The following TRPS1 variants were observed in gnomAD, a reference collection of about 807,000 sequenced individuals.
The protein encoded by TRPS1 is transcriptional repressor GATA binding 1.
A neutral mutation model predicts 101.2 loss-of-function variants in TRPS1; 6 were observed. That is an observed-to-expected ratio of 0.06 (90% CI 0.03 to 0.12). TRPS1 has a LOEUF of 0.12. Ranked by LOEUF, TRPS1 falls within the 10% of genes least tolerant of loss-of-function variation. The pLI, the probability that TRPS1 is intolerant of heterozygous loss-of-function variation, is 1.00. For synonymous variants in TRPS1, 578 were observed against 589.8 expected (o/e 0.98, Z 0.29); for missense variants, 1,363 against 1,567.0 (o/e 0.87, Z 2.20).
intron 1 of TRPS1, among the ~76,000 whole-genome samples, chr8:115,627,338 A>G (rs943976191): frequency 6.6e-6 from 1 of 151,770 alleles, no homozygotes; most frequent in African/African-American, 2.4e-5. Flanking sequence ...ACACACACAC[A>G]CACAATTAAA....
chr8:115,471,772 A>C (rs1285182767), intron 5 of TRPS1, among the ~76,000 whole-genome samples: 1 of 152,218 alleles, frequency 6.6e-6, no homozygotes, highest in Non-Finnish European at 1.5e-5. Context: ...AAATGGAAGA[A>C]ATTGGCCAAA....
chr8:115,521,555 T>A (rs955014595), intron 5 of TRPS1, among the ~76,000 whole-genome samples: 1 of 151,886 alleles, frequency 6.6e-6, no homozygotes, highest in African/African-American at 2.4e-5. Flanking sequence ...TTTTCCTATA[T>A]CCACGATGTG....
chr8:115,493,388 C>G (rs1234981236), intron 5 of TRPS1, among the ~76,000 whole-genome samples: 1 of 152,116 alleles, frequency 6.6e-6, no homozygotes, highest in African/African-American at 2.4e-5. Flanking sequence ...CAGTTTGGCT[C>G]CTGTTGCCCA....
chr8:115,535,339 A>G (rs1816281550), intron 5 of TRPS1, among the ~76,000 whole-genome samples: 1 of 147,714 alleles, frequency 6.8e-6, no homozygotes, highest in Admixed American at 6.8e-5. Context: ...TATATAGCGC[A>G]TATATATAGC....
In TRPS1 at chr8:115,410,354, TGTTA is replaced by T. The variant is rs1013347105; in HGVS notation, c.*3665_*3668del. The T allele has an allele frequency of 6.6e-6, 1 of 152,518 alleles. No individual in the cohort carries two copies. Among genetic ancestry groups the T allele is most frequent in the Admixed American group, 6.6e-5 (1 of 15,234 alleles). The allele number at this position is 152,518 out of a possible 1,614,324, so 9.4% of individuals were successfully genotyped here. ...GCTACCACAGGCTTCAACAAAGAGC[TGTTA>T]AAGATACTTTTTTCCCTTCTCATTA... On this transcript the variant is annotated 3_prime_UTR_variant, in exon 7 of 7. Transcript: ENST00000395715.
At chr8:115,474,690 G>GA (rs11286734) in intron 5 of TRPS1, among the ~76,000 whole-genome samples, 5 of 151,802 alleles carry the variant, frequency 3.3e-5, no homozygotes, top group Non-Finnish European at 5.9e-5. Flanking sequence ...AAAATATTCA[G>GA]AAAAAAATTA....
intron 1 of TRPS1, among the ~76,000 whole-genome samples, chr8:115,627,169 G>A (rs1010470682): frequency 2.6e-5 from 4 of 151,654 alleles, no homozygotes; most frequent in African/African-American, 4.8e-5. Flanking sequence ...GCCTCAAAAG[G>A]CAAGGGGAAT....
At chr8:115,657,849 A>G (rs1811709356) in intron 1 of TRPS1, among the ~76,000 whole-genome samples, 1 of 152,102 alleles carries the variant, frequency 6.6e-6, no homozygotes, top group African/African-American at 2.4e-5. Context: ...AATAAAATAA[A>G]ATAAAATAAA....
chr8:115,500,743 T>C (rs535364623), intron 5 of TRPS1, among the ~76,000 whole-genome samples: 1 of 152,112 alleles, frequency 6.6e-6, no homozygotes, highest in African/African-American at 2.4e-5. Flanking sequence ...CTAATTTTTT[T>C]GTGTGTGTTT....
chr8:115,423,660 G>A (rs879827126), intron 5 of TRPS1, among the ~76,000 whole-genome samples: 9 of 152,148 alleles, frequency 5.9e-5, no homozygotes, highest in South Asian at 2.1e-4. Flanking sequence ...TTAGGTTCAC[G>A]GCTAACACCA....
intron 5 of TRPS1, among the ~76,000 whole-genome samples, chr8:115,426,977 A>T (rs1813202665): frequency 6.6e-6 from 1 of 152,172 alleles, no homozygotes; most frequent in African/African-American, 2.4e-5. Context: ...ATCATATTCT[A>T]AAAAGCATTT....
At chr8:115,635,383 G>C (rs909544304) in intron 1 of TRPS1, among the ~76,000 whole-genome samples, 1 of 152,068 alleles carries the variant, frequency 6.6e-6, no homozygotes, top group African/African-American at 2.4e-5. Context: ...ATTGCAAACT[G>C]ACCAAGTGAT....
At chr8:115,661,942 T>C (rs1047520550) in intron 1 of TRPS1, among the ~76,000 whole-genome samples, 2 of 151,950 alleles carry the variant, frequency 1.3e-5, no homozygotes, top group African/African-American at 4.8e-5. Flanking sequence ...AAATAAAAAT[T>C]TATTAACAGA....
At chr8:115,451,676 C>T (rs79773520) in intron 5 of TRPS1, among the ~76,000 whole-genome samples, 2,565 of 152,200 alleles carry the variant, frequency 0.017, 74 homozygotes, top group African/African-American at 0.059. Context: ...GCTTCAATGA[C>T]GTTCTGTTCA....
chr8:115,498,370 CCCGTCTCTCTCTCTCT>C (rs1159492164), intron 5 of TRPS1, among the ~76,000 whole-genome samples: 5 of 48,896 alleles, frequency 1.0e-4, no homozygotes, highest in African/African-American at 1.7e-4. Flanking sequence ...AAAGAGAGAG[CCCGTCTCTCTCTCTCT>C]CTCTCTCTCT....
intron 1 of TRPS1, among the ~76,000 whole-genome samples, chr8:115,662,728 G>T (rs1300099537): frequency 6.8e-6 from 1 of 148,024 alleles, no homozygotes; most frequent in Non-Finnish European, 1.5e-5. Context: ...AATACTGTTT[G>T]ATAAATAGGG....
At chr8:115,477,115 C>T (rs760068833) in intron 5 of TRPS1, among the ~76,000 whole-genome samples, 8 of 152,030 alleles carry the variant, frequency 5.3e-5, no homozygotes, top group Non-Finnish European at 8.8e-5. Context: ...AAATTTGAAA[C>T]ATTTGAATGA....
intron 5 of TRPS1, among the ~76,000 whole-genome samples, chr8:115,546,581 GACACACACACACAC>G (rs71287285): frequency 6.8e-6 from 1 of 147,810 alleles, no homozygotes; most frequent in African/African-American, 2.5e-5. Context: ...TGTAAAATGT[GACACACACACACAC>G]ACACACACAC....
In TRPS1 at chr8:115,412,211, G is replaced by C. The variant is rs1812807037; in HGVS notation, c.*1812C>G. On this transcript the variant is annotated 3_prime_UTR_variant, in exon 7 of 7. Coordinates refer to ENST00000395715, the MANE Select transcript of TRPS1 (RefSeq NM_014112.5). ...AAAAAAGTACTTGGAATGAATAAGTGCTACCCTTTTTTTCCTAAGTAGGCA... is the reference window on the plus strand; with the variant it reads ...AAAAAAGTACTTGGAATGAATAAGTCCTACCCTTTTTTTCCTAAGTAGGCA... 1 of 151,946 alleles carries C rather than the reference G, an allele frequency of 6.6e-6. No homozygotes were observed. The highest frequency in any genetic ancestry group is 2.4e-5 in the African/African-American group (1 of 41,312). The allele number at this position is 151,946 out of a possible 1,614,324, so 9.4% of individuals were successfully genotyped here.
Sources: allele counts gnomAD v4.1 joint callset (sites outside exome capture counted in the v4.1 genomes callset), GRCh38; gene constraint gnomAD v4.1.1; transcripts MANE v1.5; gene names NCBI Gene and HGNC (gene_info 2026-07-23, HGNC 2026-07-21).